MAGI2: variants seen among roughly 807,000 people sequenced by gnomAD.
MAGI2 encodes the protein membrane associated guanylate kinase, WW and PDZ domain containing 2.
Under a neutral mutation model 133.3 loss-of-function variants are expected in MAGI2, and 35 were observed. The ratio of observed to expected loss-of-function variants is 0.26; its 90% confidence interval spans 0.20 to 0.35. The LOEUF (loss-of-function observed/expected upper bound fraction) is 0.35, where lower values mean the gene tolerates loss of function less well. Ranked by LOEUF, MAGI2 falls within the 10% of genes least tolerant of loss-of-function variation. The pLI is 1.00. For synonymous variants in MAGI2, 729 were observed against 710.6 expected (o/e 1.03, Z -0.41); for missense variants, 1,636 against 1,863.4 (o/e 0.88, Z 2.25).
intron 1 of MAGI2, among the ~76,000 whole-genome samples, chr7:79,077,549 T>TG (rs2129541637): frequency 8.6e-6 from 1 of 116,548 alleles, no homozygotes; most frequent in African/African-American, 3.4e-5. Flanking sequence ...CACTCCAGCC[T>TG]GGGCAACAGA....
intron 2 of MAGI2, among the ~76,000 whole-genome samples, chr7:78,784,920 A>T (rs1826686665): frequency 6.6e-6 from 1 of 152,116 alleles, no homozygotes; most frequent in Non-Finnish European, 1.5e-5. Context: ...CTACACCCTT[A>T]AATAATGCAA....
chr7:78,620,093 GA>G (rs567444238), intron 3 of MAGI2, among the ~76,000 whole-genome samples: 3 of 151,808 alleles, frequency 2.0e-5, no homozygotes, highest in Non-Finnish European at 4.4e-5. Context: ...GTGCAAAGGG[GA>G]AAAAATGAAA....
chr7:79,293,927 A>G (rs1458941347), intron 1 of MAGI2, among the ~76,000 whole-genome samples: 4 of 152,212 alleles, frequency 2.6e-5, no homozygotes, highest in African/African-American at 9.6e-5. Context: ...TCTTGCCTGT[A>G]ATCCCAGAAC....
intron 2 of MAGI2, among the ~76,000 whole-genome samples, chr7:78,908,691 C>T (rs1007075016): frequency 6.6e-6 from 1 of 152,116 alleles, no homozygotes; most frequent in East Asian, 1.9e-4. Flanking sequence ...TTCCAAGAAG[C>T]AATTTCATCA....
chr7:78,634,451 G>A (rs951184517), intron 2 of MAGI2, among the ~76,000 whole-genome samples: 2 of 152,168 alleles, frequency 1.3e-5, no homozygotes, highest in Non-Finnish European at 2.9e-5. Context: ...TTGATGTTAC[G>A]TCAATGGGCA....
At chr7:78,826,171 T>G (rs1790614397) in intron 2 of MAGI2, among the ~76,000 whole-genome samples, 1 of 151,338 alleles carries the variant, frequency 6.6e-6, no homozygotes, top group African/African-American at 2.4e-5. Flanking sequence ...CCTAACACGG[T>G]GAAACCCTGT....
rs1808087633 is a variant in MAGI2, at chr7:78,019,511, C to A, written c.4172G>T (p.Gly1391Val). ...EGPGAAPAFA[G>V]PGGGGSGALE... ...CGCGCCGCTGCCGCCGCCGCCCGGG[C>A]CGGCAAACGCCGGCGCAGCCCCCGG... Residue 1391 changes from glycine (G) to valine (V), a missense_variant, in exon 22 of 22, where the codon GGC (glycine) becomes GTC (valine). Transcript: ENST00000354212. 6.1e-6 allele frequency: 6 copies of A among 980,320 alleles called. No individual in the cohort carries two copies. Among genetic ancestry groups the A allele is most frequent in the Non-Finnish European group, 7.2e-6 (6 of 828,244 alleles). The allele number at this position is 980,320 out of a possible 1,614,324, so 60.7% of individuals were successfully genotyped here.
chr7:79,360,473 G>A (rs752071671), intron 1 of MAGI2, among the ~76,000 whole-genome samples: 6 of 151,936 alleles, frequency 3.9e-5, no homozygotes, highest in Non-Finnish European at 8.8e-5. Flanking sequence ...ACATAGGTAC[G>A]TACACTATAT....
At chr7:78,679,100 T>C (rs1260644910) in intron 2 of MAGI2, among the ~76,000 whole-genome samples, 1 of 152,264 alleles carries the variant, frequency 6.6e-6, no homozygotes, top group South Asian at 2.1e-4. Context: ...TGTGTCTACT[T>C]TGCCCTCACC....
chr7:79,120,848 A>T (rs779547220), intron 1 of MAGI2, among the ~76,000 whole-genome samples: 31 of 152,064 alleles, frequency 2.0e-4, no homozygotes, highest in Non-Finnish European at 1.8e-4. Flanking sequence ...AAAAACCGAA[A>T]CTACTTCTCT....
chr7:78,200,668 T>C lies in MAGI2; in HGVS notation c.2079+494A>G, dbSNP rs144734274. ...CATACCTATTTTATATATACACATATATACAAAGCTAACATATATATACAC... is the reference window on the plus strand; with the variant it reads ...CATACCTATTTTATATATACACATACATACAAAGCTAACATATATATACAC... On this transcript the variant is annotated intron_variant, in intron 11 of 21. Transcript: ENST00000354212. 9.7e-3 allele frequency among the ~76,000 whole-genome samples: 1,480 copies of C among 152,266 alleles called. 32 individuals carry two copies. The highest frequency in any genetic ancestry group is 0.027 in the African/African-American group (1,114 of 41,546).
chr7:78,999,593 G>T (rs1203652012), intron 2 of MAGI2, among the ~76,000 whole-genome samples: 1 of 152,086 alleles, frequency 6.6e-6, no homozygotes, highest in Admixed American at 6.6e-5. Flanking sequence ...AAGAAAGAAG[G>T]TAAACCTAAT....
intron 2 of MAGI2, among the ~76,000 whole-genome samples, chr7:78,691,789 G>C (rs557407448): frequency 6.6e-6 from 1 of 152,236 alleles, no homozygotes; most frequent in African/African-American, 2.4e-5. Context: ...AGAATTTTTA[G>C]GGAAGTGAAA....
At chr7:78,531,242 T>A (rs1797445837) in intron 3 of MAGI2, among the ~76,000 whole-genome samples, 1 of 146,022 alleles carries the variant, frequency 6.8e-6, no homozygotes, top group Non-Finnish European at 1.5e-5. Flanking sequence ...TGAGACAGAG[T>A]CTCACTCTGT....
At chr7:79,310,966 AC>A in intron 1 of MAGI2, among the ~76,000 whole-genome samples, 1 of 137,162 alleles carries the variant, frequency 7.3e-6, no homozygotes, top group East Asian at 2.1e-4. Context: ...ACACACACAC[AC>A]CCCTCTCCAT....
intron 6 of MAGI2, among the ~76,000 whole-genome samples, chr7:78,384,236 CAT>C (rs1795184515): frequency 6.6e-6 from 1 of 152,036 alleles, no homozygotes. Flanking sequence ...CATAATGTAA[CAT>C]ATTTTGTGAG....
At chr7:79,195,241 G>C (rs761525492) in intron 1 of MAGI2, among the ~76,000 whole-genome samples, 1 of 151,902 alleles carries the variant, frequency 6.6e-6, no homozygotes, top group Non-Finnish European at 1.5e-5. Flanking sequence ...GACTAATGTG[G>C]TGTTAATGAA....
intron 1 of MAGI2, among the ~76,000 whole-genome samples, chr7:79,267,882 G>A (rs1005612071): frequency 3.3e-5 from 5 of 152,174 alleles, no homozygotes; most frequent in Non-Finnish European, 7.3e-5. Flanking sequence ...CAATTTTTAG[G>A]ATAATTTAAT....
chr7:78,494,128 C>T (rs893934497), intron 5 of MAGI2, among the ~76,000 whole-genome samples: 10 of 152,036 alleles, frequency 6.6e-5, no homozygotes, highest in African/African-American at 2.2e-4. Flanking sequence ...ACTACAGGTG[C>T]ATGCCACATA....
Sources: allele counts gnomAD v4.1 joint callset (sites outside exome capture counted in the v4.1 genomes callset), GRCh38; gene constraint gnomAD v4.1.1; transcripts MANE v1.5; gene names NCBI Gene and HGNC (gene_info 2026-07-23, HGNC 2026-07-21).